The following GFOD2 variants were observed in gnomAD, a reference collection of about 807,000 sequenced individuals.
GFOD2 encodes glucose-fructose oxidoreductase domain-containing protein 2.
GFOD2 carries 9 observed loss-of-function variants against 24.6 expected under a neutral mutation model. The ratio of observed to expected loss-of-function variants is 0.37; its 90% CI spans 0.22 to 0.64. The LOEUF is 0.64. Ranked by LOEUF, GFOD2 falls within the 30% of genes least tolerant of loss-of-function variation. The probability of loss-of-function intolerance (pLI) is 0.65; values close to 1 mark genes in which losing one functional copy is unlikely to be tolerated. For synonymous variants in GFOD2, 211 were observed against 224.8 expected (o/e 0.94, Z 0.55); for missense variants, 476 against 532.5 (o/e 0.89, Z 1.04).
intron 2 of GFOD2, chr16:67,682,253 G>C: frequency 1.5e-6 from 1 of 645,782 alleles, no homozygotes; most frequent in Non-Finnish European, 1.9e-6. Context: ...GGTCAGGCTG[G>C]TCTCAAACTC....
chr16:67,683,804 C>T (rs777187302), intron 2 of GFOD2: 1 of 1,224,696 alleles, frequency 8.2e-7, no homozygotes, highest in Non-Finnish European at 1.0e-6. Context: ...TGGAGGACAA[C>T]CTCATGGCAC....
chr16:67,716,310 A>G (rs918181211), intron 1 of GFOD2, among the ~76,000 whole-genome samples: 10 of 152,234 alleles, frequency 6.6e-5, no homozygotes, highest in African/African-American at 2.2e-4. Flanking sequence ...GCCAGATATG[A>G]TAACTGCCCT....
At chr16:67,717,228 T>C (rs1382754764) in intron 1 of GFOD2, among the ~76,000 whole-genome samples, 1 of 152,196 alleles carries the variant, frequency 6.6e-6, no homozygotes, top group Non-Finnish European at 1.5e-5. Context: ...ATTTCACCTG[T>C]TAACATTATT....
intron 1 of GFOD2, among the ~76,000 whole-genome samples, chr16:67,686,123 T>C (rs899274932): frequency 6.6e-6 from 1 of 151,884 alleles, no homozygotes; most frequent in African/African-American, 2.4e-5. Context: ...AAAATATATA[T>C]ATTAAAAAAT....
At chr16:67,710,564 G>A (rs547938659) in intron 1 of GFOD2, among the ~76,000 whole-genome samples, 91 of 151,520 alleles carry the variant, frequency 6.0e-4, no homozygotes, top group Admixed American at 1.2e-3. Context: ...GGGTTTCACC[G>A]TGTTAGCCAG....
At chr16:67,676,085 GT>G (rs1467744924) in intron 2 of GFOD2, 32 bp from the exon 3 acceptor site, 4 of 1,542,312 alleles carry the variant, frequency 2.6e-6, no homozygotes, top group Non-Finnish European at 2.6e-6. Flanking sequence ...AAATCTCAAA[GT>G]TTCAAGGGGG....
intron 1 of GFOD2, among the ~76,000 whole-genome samples, chr16:67,691,157 C>A (rs2053309836): frequency 6.6e-6 from 1 of 152,138 alleles, no homozygotes; most frequent in Non-Finnish European, 1.5e-5. Context: ...AGCCACTGTG[C>A]CTGGCCTACC....
At chr16:67,717,931 C>T (rs1214422863) in intron 1 of GFOD2, among the ~76,000 whole-genome samples, 2 of 152,150 alleles carry the variant, frequency 1.3e-5, no homozygotes, top group African/African-American at 2.4e-5. Flanking sequence ...CCAACAGAAC[C>T]GTCTGTTGAA....
rs779854379 is a variant in GFOD2, at chr16:67,676,073, G to C, written c.260-20C>G. ...CAATACCTAACAACAGGACACAACA[G>C]GAAATCTCAAAGTTTCAAGGGGGAA... On this transcript the variant is annotated intron_variant, in intron 2 of 2. Transcript: ENST00000268797. The C allele has an allele frequency of 1.3e-6, 2 of 1,565,872 alleles. No homozygotes were observed. The highest frequency in any genetic ancestry group is 1.8e-5 in the Admixed American group (1 of 54,216).
At chr16:67,687,513 T>C (rs534603646) in intron 1 of GFOD2, among the ~76,000 whole-genome samples, 19 of 150,770 alleles carry the variant, frequency 1.3e-4, no homozygotes, top group East Asian at 3.9e-4. Flanking sequence ...TGGTGGTGGG[T>C]GCCTGTAGTC....
chr16:67,696,895 G>A (rs1056485833), intron 1 of GFOD2, among the ~76,000 whole-genome samples: 5 of 152,230 alleles, frequency 3.3e-5, no homozygotes, highest in African/African-American at 9.6e-5. Flanking sequence ...CAGGCTTGCT[G>A]ACTAGGTATT....
intron 1 of GFOD2, among the ~76,000 whole-genome samples, chr16:67,692,358 G>A (rs2053321117): frequency 6.6e-6 from 1 of 151,802 alleles, no homozygotes; most frequent in Admixed American, 6.6e-5. Flanking sequence ...GAGGTGGGCG[G>A]ATCACCTGAG....
chr16:67,713,230 T>C (rs982164043), intron 1 of GFOD2, among the ~76,000 whole-genome samples: 60 of 152,014 alleles, frequency 3.9e-4, no homozygotes, highest in African/African-American at 1.4e-3. Flanking sequence ...ATGGGTTACA[T>C]AACAGGTATG....
In GFOD2 at chr16:67,686,076, T is replaced by C. The variant is rs575973789; in HGVS notation, c.-87-274A>G. ...TCACTTGAGGCCAGGAGTTTGAGAG[T>C]AGCCTGGGCAACACGGCGAGATGTC... is the stretch of plus-strand genomic sequence containing the variant. On this transcript the variant is annotated intron_variant, in intron 1 of 2. Coordinates refer to ENST00000268797, the MANE Select transcript of GFOD2 (RefSeq NM_030819.4). Among the ~76,000 whole-genome samples, 19 of 151,842 alleles carry C rather than the reference T, an allele frequency of 1.3e-4. 1 individual carries two copies. Among genetic ancestry groups the C allele is most frequent in the Admixed American group, 2.0e-4 (3 of 15,222 alleles).
chr16:67,710,043 G>A (rs2053462760), intron 1 of GFOD2, among the ~76,000 whole-genome samples: 1 of 151,974 alleles, frequency 6.6e-6, no homozygotes, highest in Admixed American at 6.6e-5. Context: ...TTTCCTGGGT[G>A]CAAATGATTC....
chr16:67,711,928 T>C (rs1411100504), intron 1 of GFOD2, among the ~76,000 whole-genome samples: 1 of 152,166 alleles, frequency 6.6e-6, no homozygotes, highest in Non-Finnish European at 1.5e-5. Flanking sequence ...AGGTCTCTAC[T>C]TCCATGTTGG....
intron 1 of GFOD2, among the ~76,000 whole-genome samples, chr16:67,705,889 G>A (rs1409520934): frequency 2.0e-5 from 3 of 147,780 alleles, no homozygotes; most frequent in East Asian, 4.1e-4. Flanking sequence ...GCAGTGAGCC[G>A]AGATCACGCC....
chr16:67,693,142 G>C (rs901059308), intron 1 of GFOD2, among the ~76,000 whole-genome samples: 1 of 152,090 alleles, frequency 6.6e-6, no homozygotes, highest in Non-Finnish European at 1.5e-5. Flanking sequence ...TGTACCTCTG[G>C]TCCTACTAAT....
chr16:67,680,943 G>A, intron 2 of GFOD2: 1 of 985,398 alleles, frequency 1.0e-6, no homozygotes, highest in Non-Finnish European at 1.2e-6. Context: ...ATAAAGAACA[G>A]CCAGCCAAGT....
Sources: allele counts gnomAD v4.1 joint callset (sites outside exome capture counted in the v4.1 genomes callset), GRCh38; gene constraint gnomAD v4.1.1; transcripts MANE v1.5; gene names NCBI Gene and HGNC (gene_info 2026-07-23, HGNC 2026-07-21).